The following ROBO1 variants were observed in gnomAD, a reference collection of about 807,000 sequenced individuals.
The protein encoded by ROBO1 is roundabout homolog 1.
Under a neutral mutation model 195.9 loss-of-function variants are expected in ROBO1, and 149 were observed. That is an observed-to-expected ratio of 0.76 (90% CI 0.67 to 0.87). The LOEUF (loss-of-function observed/expected upper bound fraction) is 0.87, where lower values mean the gene tolerates loss of function less well. Among genes scored for constraint, ROBO1 ranks in the 40% least tolerant of loss-of-function variants. The pLI is 0.00. For synonymous variants in ROBO1, 816 were observed against 733.2 expected (o/e 1.11, Z -1.82); for missense variants, 1,933 against 2,068.3 (o/e 0.93, Z 1.27).
intron 4 of ROBO1, among the ~76,000 whole-genome samples, chr3:78,807,538 G>C (rs72894439): frequency 0.028 from 4,192 of 152,076 alleles, 151 homozygotes; most frequent in African/African-American, 0.085. Flanking sequence ...AACTTACCTT[G>C]GTTTCAGAAT....
At chr3:79,216,994 A>C (rs1245613769) in intron 2 of ROBO1, among the ~76,000 whole-genome samples, 1 of 152,038 alleles carries the variant, frequency 6.6e-6, no homozygotes, top group East Asian at 1.9e-4. Flanking sequence ...AATAATCACA[A>C]ATTTTAGCTA....
At chr3:78,769,369 T>A (rs1159406541) in intron 4 of ROBO1, among the ~76,000 whole-genome samples, 1 of 152,190 alleles carries the variant, frequency 6.6e-6, no homozygotes, top group Non-Finnish European at 1.5e-5. Context: ...TTGTCTGATA[T>A]AAGAATAGCT....
intron 2 of ROBO1, among the ~76,000 whole-genome samples, chr3:79,309,661 G>T (rs570314659): frequency 2.0e-4 from 30 of 151,838 alleles, no homozygotes; most frequent in African/African-American, 6.8e-4. Context: ...GAATAAAGAG[G>T]GCCTAATTGT....
chr3:79,414,924 A>G lies in ROBO1; in HGVS notation c.88+174900T>C, dbSNP rs191141683. Among the ~76,000 whole-genome samples the G allele has an allele frequency of 3.0e-3, 463 of 152,288 alleles. 2 individuals are homozygous for G. The highest frequency in any genetic ancestry group is 9.1e-3 in the African/African-American group (379 of 41,578). On this transcript the variant is annotated intron_variant, in intron 2 of 30. Transcript: ENST00000464233. ...ATTGCACATGTCCAGAGCTATTTCA[A>G]CTTAAAACATTAAGCAGGCAAACTG...
At chr3:79,760,095 G>T (rs1176426309) in intron 1 of ROBO1, among the ~76,000 whole-genome samples, 1 of 151,374 alleles carries the variant, frequency 6.6e-6, no homozygotes, top group Non-Finnish European at 1.5e-5. Context: ...AAATTATCTG[G>T]GTGTGGTGGT....
intron 4 of ROBO1, among the ~76,000 whole-genome samples, chr3:78,900,124 T>C: frequency 6.6e-6 from 1 of 152,124 alleles, no homozygotes; most frequent in East Asian, 1.9e-4. Context: ...GACATGGTAA[T>C]TCAGGGTTCA....
chr3:79,100,860 A>G (rs1185171734), intron 3 of ROBO1, among the ~76,000 whole-genome samples: 1 of 151,828 alleles, frequency 6.6e-6, no homozygotes, highest in East Asian at 1.9e-4. Flanking sequence ...TTTGAAAAGA[A>G]GCTTGAGGCA....
rs950048473 is a variant in ROBO1, at chr3:79,198,340, A to T, written c.89-72801T>A. Among the ~76,000 whole-genome samples the T allele has an allele frequency of 3.9e-5, 6 of 152,126 alleles. No individual in the cohort carries two copies. The South Asian group carries it at 8.3e-4, about 21-fold the overall frequency. ...TTTTGTCAAATTTGTCAAAGATAAG[A>T]TGGTTGTAGAAGTGTGGTGTTATTT... On this transcript the variant is annotated intron_variant, in intron 2 of 30. Coordinates refer to ENST00000464233, the MANE Select transcript of ROBO1 (RefSeq NM_002941.4).
intron 2 of ROBO1, among the ~76,000 whole-genome samples, chr3:79,522,643 C>T (rs1047972470): frequency 2.0e-5 from 3 of 152,072 alleles, no homozygotes; most frequent in African/African-American, 7.2e-5. Context: ...CTTAATAAAC[C>T]CCTTTTGGAA....
chr3:79,571,098 T>G (rs1943263233), intron 2 of ROBO1, among the ~76,000 whole-genome samples: 1 of 152,136 alleles, frequency 6.6e-6, no homozygotes, highest in Non-Finnish European at 1.5e-5. Flanking sequence ...TTGACAATAA[T>G]TCATGGTATG....
At chr3:78,931,399 A>T (rs2039525015) in intron 4 of ROBO1, among the ~76,000 whole-genome samples, 1 of 151,598 alleles carries the variant, frequency 6.6e-6, no homozygotes, top group African/African-American at 2.4e-5. Flanking sequence ...GGCATGCACC[A>T]CCATGCCCGT....
At chr3:79,503,927 A>G (rs1482349176) in intron 2 of ROBO1, among the ~76,000 whole-genome samples, 3 of 152,184 alleles carry the variant, frequency 2.0e-5, no homozygotes, top group Non-Finnish European at 4.4e-5. Flanking sequence ...CTTATTATCT[A>G]CATTTATCAG....
intron 3 of ROBO1, chr3:79,019,045 G>C: frequency 1.0e-6 from 1 of 989,342 alleles, no homozygotes; most frequent in South Asian, 4.7e-5. Flanking sequence ...CGCGCAGAGA[G>C]CGAGCGAGGG....
At chr3:79,519,480 T>C (rs1941103767) in intron 2 of ROBO1, among the ~76,000 whole-genome samples, 1 of 151,252 alleles carries the variant, frequency 6.6e-6, no homozygotes, top group Non-Finnish European at 1.5e-5. Flanking sequence ...ATACAAAAAA[T>C]TAGCCGGGCG....
At chr3:79,360,802 C>T (rs1577020550) in intron 2 of ROBO1, among the ~76,000 whole-genome samples, 1 of 152,020 alleles carries the variant, frequency 6.6e-6, no homozygotes, top group African/African-American at 2.4e-5. Flanking sequence ...AAGTGTGAAG[C>T]CAGGGTGCGG....
intron 2 of ROBO1, among the ~76,000 whole-genome samples, chr3:79,388,119 C>T (rs906232322): frequency 3.3e-5 from 5 of 152,098 alleles, no homozygotes; most frequent in African/African-American, 1.2e-4. Flanking sequence ...TATAGTGAAA[C>T]TAAGATCTTC....
At chr3:79,535,329 T>C (rs929022850) in intron 2 of ROBO1, among the ~76,000 whole-genome samples, 4 of 152,166 alleles carry the variant, frequency 2.6e-5, no homozygotes, top group Admixed American at 2.0e-4. Context: ...ACTCTGCAGA[T>C]GTCCCTCCTC....
At chr3:78,739,944 T>C (rs115712489) in intron 5 of ROBO1, among the ~76,000 whole-genome samples, 1,928 of 152,284 alleles carry the variant, frequency 0.013, 41 homozygotes, top group African/African-American at 0.042. Flanking sequence ...TATAGGACCC[T>C]ATAAAAAATG....
At chr3:79,143,848 C>G (rs1019379334) in intron 2 of ROBO1, among the ~76,000 whole-genome samples, 1 of 151,940 alleles carries the variant, frequency 6.6e-6, no homozygotes, top group Non-Finnish European at 1.5e-5. Context: ...GTCCCACACA[C>G]TTTCCTCCCA....
Sources: allele counts gnomAD v4.1 joint callset (sites outside exome capture counted in the v4.1 genomes callset), GRCh38; gene constraint gnomAD v4.1.1; transcripts MANE v1.5; gene names NCBI Gene and HGNC (gene_info 2026-07-23, HGNC 2026-07-21).